Variants in TEX14 observed in about 807,000 individuals in gnomAD.
The protein encoded by TEX14 is testis expressed 14, intercellular bridge forming factor.
In TEX14, 168 loss-of-function variants were observed where a neutral mutation model predicts 178.6. The ratio of observed to expected loss-of-function variants is 0.94; its 90% CI spans 0.83 to 1.07. The LOEUF (loss-of-function observed/expected upper bound fraction) is 1.07, where lower values mean the gene tolerates loss of function less well. TEX14 is among the 50% of genes least tolerant of loss of function. The pLI is 0.00. For synonymous variants in TEX14, 626 were observed against 634.1 expected, an observed-to-expected ratio of 0.99 and a Z score of 0.19; for missense variants, 1,730 against 1,753.6, an observed-to-expected ratio of 0.99 and a Z score of 0.24.
At chr17:58,595,128 T>C (rs1231179037) in intron 14 of TEX14, among the ~76,000 whole-genome samples, 2 of 152,196 alleles carry the variant, frequency 1.3e-5, no homozygotes, top group Non-Finnish European at 2.9e-5. Context: ...AGAATATGTT[T>C]AGAATATAAT....
At chr17:58,659,126 C>T (rs1221736919) in intron 1 of TEX14, among the ~76,000 whole-genome samples, 6 of 150,690 alleles carry the variant, frequency 4.0e-5, no homozygotes, top group South Asian at 4.2e-4. Context: ...CACAAGCCGT[C>T]TTTTAAACTA....
intron 17 of TEX14, among the ~76,000 whole-genome samples, chr17:58,586,545 G>A (rs916740119): frequency 1.3e-5 from 2 of 152,006 alleles, no homozygotes; most frequent in Non-Finnish European, 2.9e-5. Context: ...TGTCACTTAC[G>A]ACTAGTATTA....
rs1200699732 is a variant in TEX14 at position 58,601,685 on chromosome 17, C to T, written c.1678+121G>A. The T allele has an allele frequency of 3.1e-6, 3 of 955,632 alleles. No homozygotes were observed. In the Admixed American group the frequency reaches 6.2e-5, roughly 20 times the overall value. 59.2% of individuals were successfully genotyped at this position (955,632 alleles called of 1,614,324 possible). On this transcript the variant is annotated intron_variant, in intron 13 of 31. Transcript: ENST00000349033. Reference sequence around the variant, plus strand: ...CTCCAGTCTGGGCAATAGAGCTAGACTTTATCTCACAAAACAAACAAGTTA... The same window carrying T: ...CTCCAGTCTGGGCAATAGAGCTAGATTTTATCTCACAAAACAAACAAGTTA...
At chr17:58,630,994 A>G (rs1330028124) in intron 2 of TEX14, 1 of 175,384 alleles carries the variant, frequency 5.7e-6, no homozygotes, top group Admixed American at 6.5e-5. Context: ...AAACAGACCA[A>G]TTTCCAGTAC....
At chr17:58,659,085 A>G (rs940019195) in intron 1 of TEX14, among the ~76,000 whole-genome samples, 1 of 113,136 alleles carries the variant, frequency 8.8e-6, no homozygotes, top group Non-Finnish European at 1.7e-5. Context: ...CGCCACTACA[A>G]CAACTCTGAA....
chr17:58,655,780 G>C (rs1000012530), intron 1 of TEX14, among the ~76,000 whole-genome samples: 2 of 152,126 alleles, frequency 1.3e-5, no homozygotes, highest in Non-Finnish European at 2.9e-5. Flanking sequence ...CACCTCCCTT[G>C]TAGGCAGGGG....
intron 30 of TEX14, among the ~76,000 whole-genome samples, chr17:58,558,465 C>G (rs551167573): frequency 6.6e-6 from 1 of 152,108 alleles, no homozygotes; most frequent in African/African-American, 2.4e-5. Flanking sequence ...AAGTAATACC[C>G]CAAATTCTCT....
chr17:58,609,040 G>C (rs913268878), intron 10 of TEX14, among the ~76,000 whole-genome samples: 1 of 152,232 alleles, frequency 6.6e-6, no homozygotes, highest in Non-Finnish European at 1.5e-5. Flanking sequence ...AGTTCAACTA[G>C]TGACAGTTAT....
In TEX14 at chr17:58,602,387, C is replaced by T. The variant is rs780649128; in HGVS notation, c.1527+13G>A. The T allele has an allele frequency of 6.9e-6, 11 of 1,602,460 alleles. No individual in the cohort carries two copies. Among genetic ancestry groups the T allele is most frequent in the South Asian group, 1.1e-5 (1 of 89,784 alleles). ...GTAAGCAGAAATAAACTCCCAACAA[C>T]TTCAGGGCTTGCCTTTAAGTCATTC... On this transcript the variant is annotated intron_variant, in intron 12 of 31. Transcript: ENST00000349033.
At chr17:58,602,025 C>T (rs1485104741) in intron 12 of TEX14, 69 bp from the exon 13 acceptor site, 1 of 1,526,182 alleles carries the variant, frequency 6.6e-7, no homozygotes, top group East Asian at 2.3e-5. Flanking sequence ...GCTTTAGAAA[C>T]CATCTAAGTA....
At chr17:58,611,366 A>G (rs1031386923) in intron 9 of TEX14, 27 bp from the exon 10 acceptor site, 19 of 1,240,262 alleles carry the variant, frequency 1.5e-5, no homozygotes, top group Non-Finnish European at 1.6e-5. Context: ...AAATGCCACG[A>G]AAAAAAAAAG....
At chr17:58,626,137 C>A (rs927320265) in intron 3 of TEX14, among the ~76,000 whole-genome samples, 2 of 152,168 alleles carry the variant, frequency 1.3e-5, no homozygotes, top group African/African-American at 4.8e-5. Context: ...TCCTGCCCCC[C>A]TTTCCTGCCC....
At chr17:58,603,554 TAAA>T (rs71143256) in intron 11 of TEX14, among the ~76,000 whole-genome samples, 4 of 71,702 alleles carry the variant, frequency 5.6e-5, no homozygotes, top group African/African-American at 6.5e-5. Context: ...GACTCCATCT[TAAA>T]AAAAAAAAAA....
intron 14 of TEX14, among the ~76,000 whole-genome samples, chr17:58,597,512 G>T (rs2045317634): frequency 1.3e-5 from 2 of 152,166 alleles, no homozygotes; most frequent in Admixed American, 6.5e-5. Context: ...CCATGGGCCA[G>T]CTATTCTAAA....
rs1477455596 is a variant in TEX14, at chr17:58,617,528, A to C, written c.636+10T>G. ...CCTGCAAACACTGGCTGTCAGTGGC[A>C]ACCTCTTACCTTCCCAAAACCAAAG... On this transcript the variant is annotated intron_variant, in intron 6 of 31. Transcript: ENST00000349033. 6.2e-7 allele frequency: 1 copy of C among 1,610,390 alleles called. No homozygotes were observed. Among genetic ancestry groups the C allele is most frequent in the East Asian group, 2.2e-5 (1 of 44,864 alleles).
intron 1 of TEX14, among the ~76,000 whole-genome samples, chr17:58,660,081 T>A (rs899100187): frequency 7.3e-5 from 11 of 151,186 alleles, no homozygotes; most frequent in Admixed American, 5.9e-4. Context: ...ATGGCTCACA[T>A]CATCTAGGGT....
At chr17:58,620,144 T>C (rs1187244849) in intron 5 of TEX14, among the ~76,000 whole-genome samples, 1 of 151,960 alleles carries the variant, frequency 6.6e-6, no homozygotes, top group Non-Finnish European at 1.5e-5. Flanking sequence ...TTCTCTAAAC[T>C]CTGAAGGACG....
Position 58,577,451 on chromosome 17 carries a change from C to A in TEX14, c.3244G>T (p.Glu1082Ter). ...AFAQPQVSGE[E>*]KFQMRKILGK... Reference sequence around the variant, plus strand: ...AGAATTTTTCTCATTTGGAACTTTTCCTCACCTGAAAGAATAAAGTTAAAA... The same window carrying A: ...AGAATTTTTCTCATTTGGAACTTTTACTCACCTGAAAGAATAAAGTTAAAA... The change falls in exon 21 of 32, where the codon GAA becomes TAA. Residue 1082 changes from glutamate to a stop codon, truncating the protein, a stop_gained. Transcript: ENST00000349033. LOFTEE classifies it high-confidence loss of function. The A allele has an allele frequency of 7.1e-7, 1 of 1,415,098 alleles. No individual in the cohort carries two copies. The highest frequency in any genetic ancestry group is 9.5e-7 in the Non-Finnish European group (1 of 1,048,850). The allele number at this position is 1,415,098 out of a possible 1,614,324, so 87.7% of individuals were successfully genotyped here.
chr17:58,657,239 G>A (rs1188640337), intron 1 of TEX14, among the ~76,000 whole-genome samples: 1 of 152,074 alleles, frequency 6.6e-6, no homozygotes, highest in Non-Finnish European at 1.5e-5. Context: ...CAAAGTGCTA[G>A]AATTACAGGC....
Sources: allele counts gnomAD v4.1 joint callset (sites outside exome capture counted in the v4.1 genomes callset), GRCh38; gene constraint gnomAD v4.1.1; transcripts MANE v1.5; gene names NCBI Gene and HGNC (gene_info 2026-07-23, HGNC 2026-07-21).